The following TTC7B variants were observed in gnomAD, a reference collection of about 807,000 sequenced individuals.
TTC7B encodes tetratricopeptide repeat domain 7B, also known as tetratricopeptide repeat protein 7B.
In TTC7B, 28 loss-of-function variants were observed where a neutral mutation model predicts 106.8. That is an observed-to-expected ratio of 0.26 (90% CI 0.19 to 0.36). The LOEUF is 0.36. Ranked by LOEUF, TTC7B falls within the 10% of genes least tolerant of loss-of-function variation. The pLI is 1.00. For missense variants in TTC7B, 862 were observed against 1,076.4 expected (o/e 0.80, Z 2.79); for synonymous variants, 405 against 430.6 (o/e 0.94, Z 0.74).
At chr14:90,726,058 A>T (rs550336173) in intron 5 of TTC7B, among the ~76,000 whole-genome samples, 126 of 152,326 alleles carry the variant, frequency 8.3e-4, no homozygotes, top group Middle Eastern at 3.4e-3. Context: ...GTGAGCTAGG[A>T]TCGTACCACT....
At chr14:90,779,887 A>C (rs561045210) in intron 3 of TTC7B, among the ~76,000 whole-genome samples, 2 of 152,348 alleles carry the variant, frequency 1.3e-5, no homozygotes, top group African/African-American at 2.4e-5. Flanking sequence ...GAATAGGTAC[A>C]CAGTTAACTA....
chr14:90,561,079 T>G (rs1004136547), intron 19 of TTC7B, among the ~76,000 whole-genome samples: 5 of 152,200 alleles, frequency 3.3e-5, no homozygotes, highest in African/African-American at 1.2e-4. Flanking sequence ...TGCGCTTTGG[T>G]TCTGGCCCCA....
chr14:90,706,167 T>G (rs1395333247), intron 5 of TTC7B, among the ~76,000 whole-genome samples: 1 of 78,192 alleles, frequency 1.3e-5, no homozygotes, highest in African/African-American at 5.0e-5. Context: ...AATAATTTTT[T>G]TTTTTTTTTT....
At chr14:90,766,849 C>T (rs1890698014) in intron 3 of TTC7B, 2 of 1,596,396 alleles carry the variant, frequency 1.3e-6, no homozygotes, top group Non-Finnish European at 1.7e-6. Context: ...GGACAACAAG[C>T]TCCATGAAGA....
intron 4 of TTC7B, among the ~76,000 whole-genome samples, chr14:90,739,837 G>A (rs1889688020): frequency 6.6e-6 from 1 of 152,204 alleles, no homozygotes; most frequent in African/African-American, 2.4e-5. Flanking sequence ...TCTGCCAACA[G>A]CAGGGCTCAT....
At chr14:90,709,229 A>G (rs1888334484) in intron 5 of TTC7B, among the ~76,000 whole-genome samples, 1 of 150,818 alleles carries the variant, frequency 6.6e-6, no homozygotes, top group Admixed American at 6.6e-5. Flanking sequence ...ATAAAGACAC[A>G]TGCACACGTA....
chr14:90,668,738 G>A (rs1287251360), intron 9 of TTC7B, among the ~76,000 whole-genome samples: 2 of 151,680 alleles, frequency 1.3e-5, no homozygotes, highest in Non-Finnish European at 2.9e-5. Flanking sequence ...TTATCACACA[G>A]GTCTGATGTT....
Position 90,762,987 on chromosome 14 carries a change from C to G in TTC7B, c.445+17751G>C, listed in dbSNP as rs375101124. ...TACCAAATACTTAAAGAACTACCAC[C>G]AATTCTTCACAAACTCCTCCAAAAA... is the stretch of plus-strand genomic sequence containing the variant. On this transcript the variant is annotated intron_variant, in intron 3 of 19. Transcript: ENST00000328459. Among the ~76,000 whole-genome samples the G allele has an allele frequency of 2.6e-5, 4 of 152,268 alleles. No individual in the cohort carries two copies. In the East Asian group the frequency reaches 7.7e-4, roughly 29 times the overall value.
chr14:90,578,407 G>A lies in TTC7B; in HGVS notation c.2108-99C>T. Reference sequence around the variant, plus strand: ...GTTCGTGTTCCCTGCACGGGAGTCTGGCGGGGCGCAGAGCCAGCTGATCCC... The same window carrying A: ...GTTCGTGTTCCCTGCACGGGAGTCTAGCGGGGCGCAGAGCCAGCTGATCCC... On this transcript the variant is annotated intron_variant, in intron 18 of 19. Coordinates refer to ENST00000328459, the MANE Select transcript of TTC7B (RefSeq NM_001010854.2). The surrounding 1 kb of genome is among the most constrained non-coding windows in gnomAD (Gnocchi z 4.7). 7.7e-7 allele frequency: 1 copy of A among 1,293,566 alleles called. No homozygotes were observed. Among genetic ancestry groups the A allele is most frequent in the Non-Finnish European group, 1.1e-6 (1 of 921,080 alleles). The allele number at this position is 1,293,566 out of a possible 1,614,324, so 80.1% of individuals were successfully genotyped here. A position where few individuals can be genotyped will look rare whatever the true frequency, so the allele number is the denominator to read the frequency against.
chr14:90,695,975 C>T (rs1362658624), intron 5 of TTC7B, among the ~76,000 whole-genome samples: 2 of 152,130 alleles, frequency 1.3e-5, no homozygotes, highest in South Asian at 2.1e-4. Flanking sequence ...GCACCGTGTG[C>T]AACATGGGTA....
chr14:90,749,222 G>A (rs1394074584), intron 3 of TTC7B, among the ~76,000 whole-genome samples: 3 of 152,010 alleles, frequency 2.0e-5, no homozygotes, highest in Non-Finnish European at 4.4e-5. Flanking sequence ...GCTTTGTTGA[G>A]CTTCCTGGAA....
chr14:90,768,400 C>G (rs1459896994), intron 3 of TTC7B, among the ~76,000 whole-genome samples: 2 of 152,040 alleles, frequency 1.3e-5, no homozygotes, highest in African/African-American at 4.8e-5. Flanking sequence ...CAAACACTTA[C>G]AAAACCATCA....
chr14:90,740,077 A>G (rs1889697688), intron 4 of TTC7B, among the ~76,000 whole-genome samples: 1 of 152,260 alleles, frequency 6.6e-6, no homozygotes, highest in Admixed American at 6.5e-5. Flanking sequence ...TTCGGAAAAC[A>G]AACTATCAGA....
intron 2 of TTC7B, among the ~76,000 whole-genome samples, chr14:90,782,089 A>T (rs1277548500): frequency 6.6e-6 from 1 of 152,212 alleles, no homozygotes; most frequent in Admixed American, 6.5e-5. Context: ...GTAGCCAGGT[A>T]CAGCGTGTTA....
intron 17 of TTC7B, among the ~76,000 whole-genome samples, chr14:90,606,887 A>C (rs2139837031): frequency 6.6e-6 from 1 of 152,336 alleles, no homozygotes; most frequent in South Asian, 2.1e-4. Flanking sequence ...CCACTTCCAA[A>C]ATCATGAATA....
Position 90,624,111 on chromosome 14 carries a change from C to T in TTC7B, c.1752-6066G>A, listed in dbSNP as rs866717202. ...GTGTATATGTGTGCATGTGTGTGTG[C>T]GCGTGCGCGTGTGTGTGTTTTGTGA... On this transcript the variant is annotated intron_variant, in intron 15 of 19. Transcript: ENST00000328459. This position sits in a 1 kb window ranked among gnomAD's most constrained non-coding sequence, Gnocchi z 4.0. Among the ~76,000 whole-genome samples, 15 of 151,406 alleles carry T rather than the reference C, an allele frequency of 9.9e-5. No homozygotes were observed. Among genetic ancestry groups the T allele is most frequent in the African/African-American group, 1.4e-4 (6 of 41,384 alleles).
intron 5 of TTC7B, 152 bp downstream of exon 5, chr14:90,729,923 G>A: frequency 1.2e-6 from 1 of 810,810 alleles, no homozygotes; most frequent in Non-Finnish European, 1.8e-6. Context: ...GACAAAAACA[G>A]CCAATGTTCA....
chr14:90,566,906 C>T (rs554057087), intron 19 of TTC7B, among the ~76,000 whole-genome samples: 24 of 152,212 alleles, frequency 1.6e-4, no homozygotes, highest in Admixed American at 5.9e-4. Context: ...CTGAGGCCTC[C>T]GGGAGCCAGG....
intron 3 of TTC7B, among the ~76,000 whole-genome samples, chr14:90,745,500 T>G (rs1413716010): frequency 6.6e-6 from 1 of 152,144 alleles, no homozygotes; most frequent in African/African-American, 2.4e-5. Context: ...GAATCAATGT[T>G]GGATTTGCTC....
Sources: gnomAD v4.1 joint callset for allele counts (sites outside exome capture counted in the v4.1 genomes callset) on GRCh38, gnomAD v4.1.1 for gene constraint, Gnocchi (gnomAD v3.1) non-coding constraint, MANE v1.5 for transcripts, NCBI Gene and HGNC (gene_info 2026-07-23, HGNC 2026-07-21) for gene names.